Variants in DAAM2 observed in about 807,000 individuals in gnomAD.
DAAM2 encodes the protein dishevelled associated activator of morphogenesis 2, also known as disheveled-associated activator of morphogenesis 2.
Under a neutral mutation model 120.7 loss-of-function variants are expected in DAAM2, and 39 were observed. The observed-to-expected ratio is 0.32, with a 90% CI of 0.25 to 0.42. DAAM2 has a LOEUF of 0.42. Ranked by LOEUF, DAAM2 falls within the 10% of genes least tolerant of loss-of-function variation. The pLI is 1.00. For synonymous variants in DAAM2, 488 were observed against 524.9 expected (o/e 0.93, Z 0.96); for missense variants, 1,283 against 1,401.7 (o/e 0.92, Z 1.35).
At chr6:39,826,545 G>T (rs1762680318) in intron 1 of DAAM2, among the ~76,000 whole-genome samples, 1 of 152,100 alleles carries the variant, frequency 6.6e-6, no homozygotes, top group Non-Finnish European at 1.5e-5. Flanking sequence ...ATGCCCAATA[G>T]CTCCCCTTTC....
chr6:39,864,454 C>T lies in DAAM2; in HGVS notation c.280C>T (p.Leu94=), dbSNP rs781096356. The change falls in exon 4 of 25, where the codon CTG becomes TTG. Residue 94 remains leucine (L), a synonymous_variant. Transcript: ENST00000274867. ...KKKEQEDPNK[L]ATSWPDYYID... ...TCAGGAGCAGGAGGACCCCAACAAGCTGGCAACCAGCTGGCCTGACTATTA... is the reference window on the plus strand; with the variant it reads ...TCAGGAGCAGGAGGACCCCAACAAGTTGGCAACCAGCTGGCCTGACTATTA... The T allele has an allele frequency of 7.4e-6, 12 of 1,612,968 alleles. No homozygotes were observed. In the East Asian group the frequency reaches 2.7e-4, roughly 36 times the overall value.
At chr6:39,872,299 C>T (rs1460951242) in intron 9 of DAAM2, among the ~76,000 whole-genome samples, 2 of 152,148 alleles carry the variant, frequency 1.3e-5, no homozygotes, top group Non-Finnish European at 2.9e-5. Context: ...CAAGTTGACA[C>T]CTAAAACGAA....
At chr6:39,882,005 C>T (rs957045276) in intron 14 of DAAM2, 3 of 152,002 alleles carry the variant, frequency 2.0e-5, no homozygotes, top group East Asian at 1.9e-4. Flanking sequence ...CAGCTAGGCC[C>T]GCCTGACCCC....
rs1453744748 is a variant in DAAM2 at position 39,877,978 on chromosome 6, G to A, written c.1302-225G>A. On this transcript the variant is annotated intron_variant, in intron 11 of 24. Coordinates refer to ENST00000274867, the MANE Select transcript of DAAM2 (RefSeq NM_001201427.2). ...TGTATCACAAAGGGGCCGGGTTATAGGGTATCTAAAGGTCTTTTCTCTCAC... is the reference window on the plus strand; with the variant it reads ...TGTATCACAAAGGGGCCGGGTTATAAGGTATCTAAAGGTCTTTTCTCTCAC... Among the ~76,000 whole-genome samples, 11 of 152,178 alleles carry A rather than the reference G, an allele frequency of 7.2e-5. 1 individual carries two copies. Among genetic ancestry groups the A allele is most frequent in the Admixed American group, 5.9e-4 (9 of 15,284 alleles).
At chr6:39,806,325 A>G (rs898746777) in intron 1 of DAAM2, among the ~76,000 whole-genome samples, 2 of 152,208 alleles carry the variant, frequency 1.3e-5, no homozygotes, top group South Asian at 2.1e-4. Flanking sequence ...GAGCCATTTC[A>G]TCTGTTGATA....
At chr6:39,845,343 C>T (rs1250992886) in intron 1 of DAAM2, among the ~76,000 whole-genome samples, 1 of 270 alleles carries the variant, frequency 3.7e-3, no homozygotes, top group Non-Finnish European at 7.7e-3. Context: ...ATCCCATACA[C>T]ATCCCATACA....
chr6:39,874,689 A>AAAAGGAAGTC (rs1442938098), intron 10 of DAAM2, among the ~76,000 whole-genome samples: 1 of 152,228 alleles, frequency 6.6e-6, no homozygotes, highest in Non-Finnish European at 1.5e-5. Context: ...TTATTACATA[A>AAAAGGAAGTC]AAAGGAAGTC....
chr6:39,887,349 C>T (rs188606499), intron 15 of DAAM2, 137 bp from the exon 16 acceptor site: 1 of 616,558 alleles, frequency 1.6e-6, no homozygotes, highest in Non-Finnish European at 2.9e-6. Flanking sequence ...ACCCTCCTCT[C>T]TCTCCTGTCT....
chr6:39,858,506 T>C (rs1256759968), intron 2 of DAAM2, among the ~76,000 whole-genome samples: 7 of 152,080 alleles, frequency 4.6e-5, no homozygotes, highest in Admixed American at 4.6e-4. Context: ...GTTGGATGGA[T>C]ATTGGGGCCC....
At chr6:39,891,768 G>A in intron 19 of DAAM2, 46 bp downstream of exon 19, 1 of 1,492,712 alleles carries the variant, frequency 6.7e-7, no homozygotes, top group Non-Finnish European at 9.2e-7. Flanking sequence ...AGTTATCTGA[G>A]AAAGGCAGGG....
At position 39,817,543 on chromosome 6, in the gene DAAM2, C is replaced by T. The variant is rs1051068489; in HGVS notation, c.-57+25078C>T. On this transcript the variant is annotated intron_variant, in intron 1 of 24. Transcript: ENST00000274867. ...GTCCTCACAATTAAAAGCTCTAGAC[C>T]ACTAATGATGCTTCTGTTCATCAGT... Among the ~76,000 whole-genome samples the T allele has an allele frequency of 3.9e-5, 6 of 152,234 alleles. No homozygotes were observed. The South Asian group carries it at 8.3e-4, about 21-fold the overall frequency.
At chr6:39,837,239 A>AG (rs1478308730) in intron 1 of DAAM2, among the ~76,000 whole-genome samples, 1 of 152,188 alleles carries the variant, frequency 6.6e-6, no homozygotes, top group Non-Finnish European at 1.5e-5. Flanking sequence ...TGCCACCTGC[A>AG]GGGTGGGTGC....
At position 39,879,501 on chromosome 6, in the gene DAAM2, AG is replaced by A. The variant is rs773402813; in HGVS notation, c.1845+27del. ...AGGTGAGCATCTGGGAAGGGGCTGG[AG>A]GGCCCATTCTTCTACAGCAGGGCAG... On this transcript the variant is annotated intron_variant, in intron 14 of 24. Coordinates refer to ENST00000274867, the MANE Select transcript of DAAM2 (RefSeq NM_001201427.2). 5 of 1,613,828 alleles carry A rather than the reference AG, an allele frequency of 3.1e-6. No individual in the cohort carries two copies. In the East Asian group the frequency reaches 1.1e-4, roughly 36 times the overall value.
rs1766164681 is a variant in DAAM2, at chr6:39,897,268, A to G, written c.2604A>G (p.Glu868=). The change falls in exon 21 of 25, where the codon GAA becomes GAG. Residue 868 remains glutamate, a synonymous_variant. Transcript: ENST00000274867. ...CTTCAGAGCTGCAACATCTTCCAGA[A>G]GCTGCCAAAGTCAAGTGAGGGTTCT... The part of the protein sequence containing the change: ...NMPSELQHLP[E]AAKVNLAELE... The G allele has an allele frequency of 6.2e-7, 1 of 1,607,406 alleles. No homozygotes were observed. The highest frequency in any genetic ancestry group is 8.5e-7 in the Non-Finnish European group (1 of 1,174,082).
intron 17 of DAAM2, among the ~76,000 whole-genome samples, chr6:39,891,088 AT>A (rs1374508720): frequency 9.4e-6 from 1 of 106,478 alleles, no homozygotes; most frequent in Non-Finnish European, 2.1e-5. Context: ...GTGAGACCCT[AT>A]TAAAAAAAAA....
At chr6:39,882,703 GCACA>G (rs59036252) in intron 14 of DAAM2, among the ~76,000 whole-genome samples, 1 of 150,146 alleles carries the variant, frequency 6.7e-6, no homozygotes, top group Non-Finnish European at 1.5e-5. Flanking sequence ...TTCTGTGAGC[GCACA>G]CACACACACA....
Position 39,888,758 on chromosome 6 carries a change from G to C in DAAM2, c.2140G>C (p.Glu714Gln), listed in dbSNP as rs372115052. The part of the protein sequence containing the change: ...EQEDLAKDML[E>Q]QLLKFIPEKS... ...GGAGGACCTTGCTAAGGACATGCTG[G>C]AGCAGGTGAGGACCCTCGTGGGAAG... Residue 714 changes from glutamate to glutamine, a missense_variant, in exon 17 of 25, where the codon GAG becomes CAG. Coordinates refer to ENST00000274867, the MANE Select transcript of DAAM2 (RefSeq NM_001201427.2). 191 of 1,611,880 alleles carry C rather than the reference G, an allele frequency of 1.2e-4. No homozygotes were observed. Among genetic ancestry groups the C allele is most frequent in the Non-Finnish European group, 1.5e-4 (177 of 1,178,898 alleles).
At chr6:39,887,085 T>G (rs1196312339) in intron 15 of DAAM2, 1 of 168,372 alleles carries the variant, frequency 5.9e-6, no homozygotes, top group Non-Finnish European at 1.3e-5. Context: ...GCCTCTGGGT[T>G]GGGCAGTGGG....
intron 1 of DAAM2, among the ~76,000 whole-genome samples, chr6:39,814,357 A>G (rs1762249555): frequency 6.6e-6 from 1 of 152,034 alleles, no homozygotes; most frequent in Non-Finnish European, 1.5e-5. Context: ...CCCAGCTCCT[A>G]TGTGAGTTGG....
Sources: allele counts gnomAD v4.1 joint callset (sites outside exome capture counted in the v4.1 genomes callset), GRCh38; gene constraint gnomAD v4.1.1; transcripts MANE v1.5; gene names NCBI Gene and HGNC (gene_info 2026-07-23, HGNC 2026-07-21).